The following CREBBP variants were observed in gnomAD, a reference collection of about 807,000 sequenced individuals.
The protein encoded by CREBBP is CREB binding lysine acetyltransferase.
CREBBP carries 19 observed loss-of-function variants against 265.0 expected under a neutral mutation model. The ratio of observed to expected loss-of-function variants is 0.07; its 90% CI spans 0.05 to 0.11. CREBBP has a LOEUF of 0.11. Among genes scored for constraint, CREBBP ranks in the 10% least tolerant of loss-of-function variants. The pLI, the probability that CREBBP is intolerant of heterozygous loss-of-function variation, is 1.00. For synonymous variants in CREBBP, 1,457 were observed against 1,223.7 expected (o/e 1.19, Z -3.98); for missense variants, 2,525 against 3,219.0 (o/e 0.78, Z 5.22).
chr16:3,876,279 A>G (rs982035989), intron 1 of CREBBP, among the ~76,000 whole-genome samples: 3 of 151,792 alleles, frequency 2.0e-5, no homozygotes, highest in African/African-American at 4.8e-5. Context: ...GCCTCAAGCA[A>G]TCCTCCTGTC....
At chr16:3,755,199 C>G (rs1048727454) in intron 19 of CREBBP, among the ~76,000 whole-genome samples, 8 of 152,296 alleles carry the variant, frequency 5.3e-5, no homozygotes, top group Middle Eastern at 3.4e-3. Context: ...TATATGCCAT[C>G]AATGACTTCA....
rs139509207 is a variant in CREBBP, at chr16:3,829,958, C to G, written c.799-19179G>C. On this transcript the variant is annotated intron_variant, in intron 2 of 30. Coordinates refer to ENST00000262367, the MANE Select transcript of CREBBP (RefSeq NM_004380.3). ...AAACACAGAAGCAGCAAACAGAAAA[C>G]AAATAAGATGAGAAACCTAAACCCA... is the stretch of plus-strand genomic sequence containing the variant. Among the ~76,000 whole-genome samples the G allele has an allele frequency of 5.4e-3, 828 of 152,150 alleles. 5 individuals are homozygous for G. The highest frequency in any genetic ancestry group is 0.013 in the East Asian group (66 of 5,178).
chr16:3,833,979 C>T (rs970607744), intron 2 of CREBBP, among the ~76,000 whole-genome samples: 1 of 152,122 alleles, frequency 6.6e-6, no homozygotes, highest in African/African-American at 2.4e-5. Context: ...TAACATACAC[C>T]TCATCAAAGA....
At chr16:3,803,641 A>G (rs2053770570) in intron 3 of CREBBP, among the ~76,000 whole-genome samples, 1 of 152,192 alleles carries the variant, frequency 6.6e-6, no homozygotes, top group Non-Finnish European at 1.5e-5. Context: ...CCTGAGCCCA[A>G]GGCCAAGGCT....
At chr16:3,736,419 A>G (rs1193199211) in intron 27 of CREBBP, 11 of 749,424 alleles carry the variant, frequency 1.5e-5, no homozygotes, top group Non-Finnish European at 2.2e-5. Flanking sequence ...CACAGGCCCC[A>G]ATGCCCACTG....
intron 2 of CREBBP, among the ~76,000 whole-genome samples, chr16:3,846,288 T>C (rs2054666033): frequency 1.3e-5 from 2 of 152,144 alleles, no homozygotes; most frequent in Non-Finnish European, 2.9e-5. Flanking sequence ...TAACAGAATG[T>C]CAAGTAAGTA....
chr16:3,868,635 T>G (rs1305734391), intron 1 of CREBBP, among the ~76,000 whole-genome samples: 1 of 152,194 alleles, frequency 6.6e-6, no homozygotes, highest in Non-Finnish European at 1.5e-5. Flanking sequence ...GATGCTCTAC[T>G]CACCCTCAAT....
intron 28 of CREBBP, among the ~76,000 whole-genome samples, chr16:3,733,603 T>C (rs2051975301): frequency 6.6e-6 from 1 of 152,202 alleles, no homozygotes; most frequent in Non-Finnish European, 1.5e-5. Flanking sequence ...TGCAATATAC[T>C]GGAACTCTGT....
intron 23 of CREBBP, chr16:3,740,888 G>T (rs767637900): frequency 2.7e-6 from 1 of 376,644 alleles, no homozygotes; most frequent in Non-Finnish European, 5.1e-6. Flanking sequence ...GTTGCTTCCC[G>T]CTTTCCCTGG....
chr16:3,734,403 C>T (rs2051997724), intron 28 of CREBBP, among the ~76,000 whole-genome samples: 1 of 152,192 alleles, frequency 6.6e-6, no homozygotes, highest in Non-Finnish European at 1.5e-5. Flanking sequence ...CATGCATGTC[C>T]CCGGTGCACA....
At chr16:3,871,281 C>T (rs2055294161) in intron 1 of CREBBP, among the ~76,000 whole-genome samples, 2 of 152,046 alleles carry the variant, frequency 1.3e-5, no homozygotes, top group Non-Finnish European at 2.9e-5. Flanking sequence ...CAAGTCACAG[C>T]GCTGCCGAGC....
intron 1 of CREBBP, among the ~76,000 whole-genome samples, chr16:3,876,416 A>AAAAAAAC (rs1567382893): frequency 6.6e-6 from 1 of 150,504 alleles, no homozygotes; most frequent in African/African-American, 2.4e-5. Context: ...AAAAAAAAAA[A>AAAAAAAC]AAAAAAAAAA....
chr16:3,777,653 T>C lies in CREBBP; in HGVS notation c.2118A>G (p.Gly706=), dbSNP rs778065124. 28 of 1,613,836 alleles carry C rather than the reference T, an allele frequency of 1.7e-5. No individual in the cohort carries two copies. The African/African-American group carries it at 2.9e-4, about 17-fold the overall frequency. ...PQAQPVRPPN[G]PLSLPVNRMQ... is the part of the protein sequence containing the mutation. Reference sequence around the variant, plus strand: ...TGCGATTCACTGGCAGGGACAGGGGTCCATCTATGGTGGCAAAACAAAAAC... The same window carrying C: ...TGCGATTCACTGGCAGGGACAGGGGCCCATCTATGGTGGCAAAACAAAAAC... Residue 706 remains glycine, a synonymous_variant, in exon 11 of 31, where the codon GGA becomes GGG. Coordinates refer to ENST00000262367, the MANE Select transcript of CREBBP (RefSeq NM_004380.3).
chr16:3,790,044 A>G (rs1440083565), intron 5 of CREBBP, among the ~76,000 whole-genome samples: 1 of 152,248 alleles, frequency 6.6e-6, no homozygotes, highest in Non-Finnish European at 1.5e-5. Flanking sequence ...AGTTAAGAAT[A>G]AAATTCTAGC....
chr16:3,743,753 T>C (rs927224357), intron 23 of CREBBP: 20 of 151,864 alleles, frequency 1.3e-4, no homozygotes, highest in African/African-American at 3.1e-4. Flanking sequence ...TAAATAACCA[T>C]AAACTTTTGA....
chr16:3,750,129 T>C (rs1362372189), intron 20 of CREBBP, among the ~76,000 whole-genome samples: 1 of 152,126 alleles, frequency 6.6e-6, no homozygotes, highest in Non-Finnish European at 1.5e-5. Context: ...CGGTTCTGAG[T>C]AGCTGGGACT....
chr16:3,817,518 G>A (rs970016794), intron 2 of CREBBP, among the ~76,000 whole-genome samples: 2 of 152,214 alleles, frequency 1.3e-5, no homozygotes, highest in East Asian at 3.9e-4. Context: ...ATCTAGTCTC[G>A]TAAAAAAGTT....
At chr16:3,777,856 G>T in intron 10 of CREBBP, 155 bp downstream of exon 10, 1 of 1,094,038 alleles carries the variant, frequency 9.1e-7, no homozygotes, top group Non-Finnish European at 1.4e-6. Flanking sequence ...TCCCAACACA[G>T]CCTGAGGCAG....
At chr16:3,861,376 A>T (rs2055070001) in intron 1 of CREBBP, among the ~76,000 whole-genome samples, 1 of 152,246 alleles carries the variant, frequency 6.6e-6, no homozygotes, top group Admixed American at 6.5e-5. Context: ...CTTGGCATGC[A>T]GTAAGGACTC....
Sources: allele counts gnomAD v4.1 joint callset (sites outside exome capture counted in the v4.1 genomes callset), GRCh38; gene constraint gnomAD v4.1.1; transcripts MANE v1.5; gene names NCBI Gene and HGNC (gene_info 2026-07-23, HGNC 2026-07-21).